Variants in MGMT observed in about 807,000 individuals in gnomAD.
The protein encoded by MGMT is O-6-methylguanine-DNA methyltransferase.
MGMT carries 14 observed loss-of-function variants against 15.9 expected under a neutral mutation model. That is an observed-to-expected ratio of 0.88 (90% CI 0.58 to 1.37). MGMT has a LOEUF of 1.37. MGMT is among the 40% of genes most tolerant of loss of function. MGMT has a pLI of 0.00. For missense variants in MGMT, 282 were observed against 268.1 expected, an observed-to-expected ratio of 1.05 and a Z score of -0.36; for synonymous variants, 130 against 118.2, an observed-to-expected ratio of 1.10 and a Z score of -0.65.
At chr10:129,548,892 G>A (rs1846125718) in intron 2 of MGMT, among the ~76,000 whole-genome samples, 9 of 152,248 alleles carry the variant, frequency 5.9e-5, no homozygotes, top group Admixed American at 5.9e-4. Flanking sequence ...GCAGGATCCT[G>A]GAAGGCGTGA....
chr10:129,737,299 T>C (rs1427356833), intron 3 of MGMT, among the ~76,000 whole-genome samples: 8 of 152,216 alleles, frequency 5.3e-5, no homozygotes, highest in Non-Finnish European at 4.4e-5. Context: ...TTCATTTCAT[T>C]CATTTCATCT....
At chr10:129,679,066 C>A (rs1317787411) in intron 2 of MGMT, among the ~76,000 whole-genome samples, 4 of 142,804 alleles carry the variant, frequency 2.8e-5, no homozygotes, top group Non-Finnish European at 6.2e-5. Flanking sequence ...GACTGAGACT[C>A]CATCTCAAAA....
chr10:129,622,367 A>G (rs1436655847), intron 2 of MGMT, among the ~76,000 whole-genome samples: 1 of 152,240 alleles, frequency 6.6e-6, no homozygotes, highest in African/African-American at 2.4e-5. Context: ...ACATATATTC[A>G]TCTCAAATTT....
chr10:129,482,092 C>G (rs751554703), intron 1 of MGMT, among the ~76,000 whole-genome samples: 5 of 152,158 alleles, frequency 3.3e-5, no homozygotes, highest in African/African-American at 4.8e-5. Flanking sequence ...GATAGACATG[C>G]TGTGTTTTCA....
Position 129,738,400 on chromosome 10 carries a change from G to A in MGMT, c.275-20802G>A, listed in dbSNP as rs553597440. Reference sequence around the variant, plus strand: ...CGCTTCCGGAGTGAGGCAATGCCTCGCCCTGCTTTGGCTCGCGCACGGTGC... The same window carrying A: ...CGCTTCCGGAGTGAGGCAATGCCTCACCCTGCTTTGGCTCGCGCACGGTGC... On this transcript the variant is annotated intron_variant, in intron 3 of 4. Coordinates refer to ENST00000651593, the MANE Select transcript of MGMT (RefSeq NM_002412.5). Among the ~76,000 whole-genome samples, 319 of 152,332 alleles carry A rather than the reference G, an allele frequency of 2.1e-3. 1 individual carries two copies. Among genetic ancestry groups the A allele is most frequent in the African/African-American group, 6.6e-3 (276 of 41,576 alleles).
Position 129,689,016 on chromosome 10 carries a change from C to T in MGMT, c.126-18879C>T, listed in dbSNP as rs1847942003. Among the ~76,000 whole-genome samples the T allele has an allele frequency of 2.0e-5, 3 of 152,108 alleles. No homozygotes were observed. The South Asian group carries it at 6.2e-4, about 32-fold the overall frequency. On this transcript the variant is annotated intron_variant, in intron 2 of 4. Transcript: ENST00000651593. ...TGTGTCACCCAGGCTGGATGGAGTA[C>T]AGTGGCAAGATCTCAGCTCACTGCA...
At chr10:129,502,502 T>C (rs1845584580) in intron 1 of MGMT, among the ~76,000 whole-genome samples, 1 of 151,940 alleles carries the variant, frequency 6.6e-6, no homozygotes, top group Admixed American at 6.6e-5. Flanking sequence ...AAAAAGGAAA[T>C]AAATGATCAC....
intron 2 of MGMT, among the ~76,000 whole-genome samples, chr10:129,669,230 T>C (rs977457345): frequency 6.6e-6 from 1 of 152,174 alleles, no homozygotes; most frequent in African/African-American, 2.4e-5. Context: ...AGAGTCTCAC[T>C]ATGTTGCCCA....
chr10:129,503,220 T>C (rs949185025), intron 1 of MGMT, among the ~76,000 whole-genome samples: 8 of 152,216 alleles, frequency 5.3e-5, no homozygotes, highest in Non-Finnish European at 1.0e-4. Context: ...ACTTCTGATA[T>C]TGTGCAATGC....
intron 2 of MGMT, among the ~76,000 whole-genome samples, chr10:129,572,616 T>A (rs546021727): frequency 8.5e-5 from 13 of 152,238 alleles, no homozygotes; most frequent in Non-Finnish European, 1.6e-4. Context: ...ATACTATGGA[T>A]GCTGATAAAT....
At chr10:129,607,144 G>A (rs1846901438) in intron 2 of MGMT, among the ~76,000 whole-genome samples, 1 of 152,148 alleles carries the variant, frequency 6.6e-6, no homozygotes, top group Admixed American at 6.5e-5. Flanking sequence ...CTTCTTGGAA[G>A]TGCAGTCCGG....
At chr10:129,632,854 A>T (rs1847226539) in intron 2 of MGMT, among the ~76,000 whole-genome samples, 1 of 152,072 alleles carries the variant, frequency 6.6e-6, no homozygotes, top group Admixed American at 6.5e-5. Flanking sequence ...GCAGAGGAAT[A>T]CTTAGATACG....
intron 3 of MGMT, among the ~76,000 whole-genome samples, chr10:129,754,244 T>C (rs556652653): frequency 2.8e-4 from 42 of 152,318 alleles, no homozygotes; most frequent in Admixed American, 1.2e-3. Context: ...TTGGCACTTT[T>C]TAGTTCTCAG....
At chr10:129,700,800 T>C (rs1229671085) in intron 2 of MGMT, 2 of 152,238 alleles carry the variant, frequency 1.3e-5, no homozygotes, top group Non-Finnish European at 2.9e-5. Context: ...CAGGAAGTTA[T>C]AATTAAATGC....
intron 3 of MGMT, among the ~76,000 whole-genome samples, chr10:129,719,629 T>C (rs1198846589): frequency 6.6e-6 from 1 of 152,092 alleles, no homozygotes; most frequent in Non-Finnish European, 1.5e-5. Context: ...TATATCATAA[T>C]CTCCCCTTCT....
At chr10:129,523,433 G>A (rs1845834709) in intron 1 of MGMT, among the ~76,000 whole-genome samples, 1 of 152,214 alleles carries the variant, frequency 6.6e-6, no homozygotes, top group Non-Finnish European at 1.5e-5. Flanking sequence ...GCTTGATGAA[G>A]GCTCAAGTGT....
intron 2 of MGMT, among the ~76,000 whole-genome samples, chr10:129,582,145 G>A (rs563413614): frequency 3.3e-5 from 5 of 152,262 alleles, no homozygotes; most frequent in South Asian, 4.1e-4. Flanking sequence ...GACATCATTC[G>A]GACGCTTTCC....
At chr10:129,577,364 C>T (rs549121511) in intron 2 of MGMT, among the ~76,000 whole-genome samples, 4 of 152,100 alleles carry the variant, frequency 2.6e-5, no homozygotes, top group African/African-American at 4.8e-5. Context: ...CAGAACAGAG[C>T]CCTCAGAAAT....
chr10:129,472,221 TGGGA>T (rs1845239790), intron 1 of MGMT, among the ~76,000 whole-genome samples: 1 of 152,140 alleles, frequency 6.6e-6, no homozygotes, highest in African/African-American at 2.4e-5. Flanking sequence ...AGGCCGTGTG[TGGGA>T]GTGATGCTGT....
Sources: gnomAD v4.1 joint callset for allele counts (sites outside exome capture counted in the v4.1 genomes callset) on GRCh38, gnomAD v4.1.1 for gene constraint, MANE v1.5 for transcripts, NCBI Gene and HGNC (gene_info 2026-07-23, HGNC 2026-07-21) for gene names.